The following DIP2C variants were observed in gnomAD, a reference collection of about 807,000 sequenced individuals.
The protein encoded by DIP2C is DIP2 acetate--CoA ligase C (putative), also known as disco-interacting protein 2 homolog C.
In DIP2C, 33 loss-of-function variants were observed where a neutral mutation model predicts 192.4. That is an observed-to-expected ratio of 0.17 (90% CI 0.13 to 0.23). The LOEUF is 0.23. Ranked by LOEUF, DIP2C falls within the 10% of genes least tolerant of loss-of-function variation. The pLI is 1.00. For missense variants in DIP2C, 1,537 were observed against 2,110.1 expected, an observed-to-expected ratio of 0.73 and a Z score of 5.32; for synonymous variants, 979 against 864.1, an observed-to-expected ratio of 1.13 and a Z score of -2.33.
At chr10:453,404 G>C (rs1969012980) in intron 3 of DIP2C, among the ~76,000 whole-genome samples, 1 of 152,222 alleles carries the variant, frequency 6.6e-6, no homozygotes, top group Non-Finnish European at 1.5e-5. Flanking sequence ...AGATTTGCTG[G>C]TCATGCTGGA....
intron 1 of DIP2C, among the ~76,000 whole-genome samples, chr10:661,187 C>T (rs993792035): frequency 1.3e-5 from 2 of 152,172 alleles, no homozygotes; most frequent in African/African-American, 4.8e-5. Flanking sequence ...TGGACCGCAC[C>T]GAGTGGATGA....
At chr10:665,075 T>C (rs1319355060) in intron 1 of DIP2C, 1 of 152,158 alleles carries the variant, frequency 6.6e-6, no homozygotes, top group Non-Finnish European at 1.5e-5. Flanking sequence ...GGAGTTGACC[T>C]TGAAATTTAA....
chr10:444,121 A>T (rs920054766), intron 3 of DIP2C, among the ~76,000 whole-genome samples: 4 of 151,862 alleles, frequency 2.6e-5, no homozygotes, highest in Non-Finnish European at 4.4e-5. Context: ...CCCCATCGTC[A>T]CATGGACTCC....
At chr10:501,578 T>C (rs1371896256) in intron 1 of DIP2C, among the ~76,000 whole-genome samples, 1 of 151,850 alleles carries the variant, frequency 6.6e-6, no homozygotes. Context: ...AGGCTTCATT[T>C]AAAATGAAAA....
At chr10:420,363 A>G (rs1966099471) in intron 5 of DIP2C, among the ~76,000 whole-genome samples, 1 of 152,212 alleles carries the variant, frequency 6.6e-6, no homozygotes, top group African/African-American at 2.4e-5. Context: ...GTCCGGTGTC[A>G]CAAGTAGATT....
chr10:310,122 A>G lies in DIP2C; in HGVS notation c.3925-30T>C, dbSNP rs757581603. 44 of 1,604,336 alleles carry G rather than the reference A, an allele frequency of 2.7e-5. 1 individual carries two copies. The highest frequency in any genetic ancestry group is 3.1e-5 in the Non-Finnish European group (36 of 1,171,490). ...AAGCAACAACAGAGTGGTTAACTCA[A>G]GTTTACATGGAGGGAGATTGGGGTC... is the stretch of plus-strand genomic sequence containing the variant. On this transcript the variant is annotated intron_variant, in intron 31 of 36. Transcript: ENST00000280886.
intron 10 of DIP2C, 63 bp downstream of exon 10, chr10:399,046 G>A: frequency 1.4e-6 from 2 of 1,413,040 alleles, no homozygotes; most frequent in Non-Finnish European, 2.0e-6. Context: ...ACCCAGCCGG[G>A]ATACAGCCAC....
Position 636,154 on chromosome 10 carries a change from G to A in DIP2C, c.85+53340C>T, listed in dbSNP as rs1047052881. On this transcript the variant is annotated intron_variant, in intron 1 of 36. Coordinates refer to ENST00000280886, the MANE Select transcript of DIP2C (RefSeq NM_014974.3). This position sits in a 1 kb window ranked among gnomAD's most constrained non-coding sequence, Gnocchi z 4.6. Reference sequence around the variant, plus strand: ...ACTTTATCACAAGGAAAACTAGGTGGTGAACCCAGGAGGAGGAAATCCCCA... The same window carrying A: ...ACTTTATCACAAGGAAAACTAGGTGATGAACCCAGGAGGAGGAAATCCCCA... 2.2e-4 allele frequency among the ~76,000 whole-genome samples: 33 copies of A among 152,306 alleles called. No homozygotes were observed. Among genetic ancestry groups the A allele is most frequent in the African/African-American group, 7.9e-4 (33 of 41,566 alleles).
rs1483069088 is a variant in DIP2C at position 274,237 on chromosome 10, A to T, written c.*3088T>A. ...ATATTTAGATATATTTAAAAGAATTAAAAAAAACATTTCACAAAACATTTG... is the reference window on the plus strand; with the variant it reads ...ATATTTAGATATATTTAAAAGAATTTAAAAAAACATTTCACAAAACATTTG... On this transcript the variant is annotated 3_prime_UTR_variant, in exon 37 of 37. Coordinates refer to ENST00000280886, the MANE Select transcript of DIP2C (RefSeq NM_014974.3). 4.0e-5 allele frequency: 6 copies of T among 149,646 alleles called. No homozygotes were observed. Among genetic ancestry groups the T allele is most frequent in the Non-Finnish European group, 6.0e-5 (4 of 66,532 alleles). The allele number at this position is 149,646 out of a possible 1,614,324, so 9.3% of individuals were successfully genotyped here. A position where few individuals can be genotyped will look rare whatever the true frequency, so the allele number is the denominator to read the frequency against.
At chr10:285,595 C>T (rs766840142) in intron 34 of DIP2C, among the ~76,000 whole-genome samples, 5 of 152,206 alleles carry the variant, frequency 3.3e-5, no homozygotes, top group Non-Finnish European at 5.9e-5. Flanking sequence ...GAGAATGCGG[C>T]GGAAGGAGGA....
rs59721670 is a variant in DIP2C, at chr10:565,354, T to TAAAAAAAAAAAAAAAAAAAAAAAA, written c.86-78825_86-78824insTTTTTTTTTTTTTTTTTTTTTTTT. On this transcript the variant is annotated intron_variant, in intron 1 of 36. Coordinates refer to ENST00000280886, the MANE Select transcript of DIP2C (RefSeq NM_014974.3). ...AAAATATGAAACAGTACCTGCATTC[T>TAAAAAAAAAAAAAAAAAAAAAAAA]AAAAAAAAAAAAAAAAAGACCTAGA... Among the ~76,000 whole-genome samples, 49 of 114,088 alleles carry TAAAAAAAAAAAAAAAAAAAAAAAA rather than the reference T, an allele frequency of 4.3e-4. 5 individuals carry two copies. Among genetic ancestry groups the TAAAAAAAAAAAAAAAAAAAAAAAA allele is most frequent in the African/African-American group, 1.8e-3 (47 of 26,664 alleles). The allele number at this position is 114,088 out of a possible 152,430, so 74.8% of individuals were successfully genotyped here.
chr10:524,323 G>A (rs79148455), intron 1 of DIP2C, among the ~76,000 whole-genome samples: 3,511 of 152,240 alleles, frequency 0.023, 145 homozygotes, highest in African/African-American at 0.079. Flanking sequence ...CAGGGTCCCT[G>A]CTCAGATGCA....
At chr10:563,729 A>G (rs1470909028) in intron 1 of DIP2C, among the ~76,000 whole-genome samples, 1 of 152,236 alleles carries the variant, frequency 6.6e-6, no homozygotes, top group African/African-American at 2.4e-5. Flanking sequence ...CGTCCAGAGG[A>G]AGAGAGACTT....
At chr10:357,370 T>C (rs1251864314) in intron 23 of DIP2C, among the ~76,000 whole-genome samples, 1 of 152,138 alleles carries the variant, frequency 6.6e-6, no homozygotes, top group Non-Finnish European at 1.5e-5. Context: ...TGCTGCAAGC[T>C]GCTGTGGGCA....
intron 19 of DIP2C, 143 bp downstream of exon 19, chr10:366,132 G>C: frequency 1.7e-6 from 2 of 1,191,620 alleles, no homozygotes; most frequent in Non-Finnish European, 2.3e-6. Flanking sequence ...ATAAAAAGTG[G>C]TAAAGTGCCA....
chr10:380,755 C>G (rs759473860), intron 17 of DIP2C, among the ~76,000 whole-genome samples: 1 of 152,210 alleles, frequency 6.6e-6, no homozygotes, highest in African/African-American at 2.4e-5. Flanking sequence ...ACAGGGAAGC[C>G]TTGCCAGACC....
chr10:600,212 T>C (rs1199502859), intron 1 of DIP2C, among the ~76,000 whole-genome samples: 3 of 152,144 alleles, frequency 2.0e-5, no homozygotes, highest in African/African-American at 7.2e-5. Flanking sequence ...ACCCCAAGCC[T>C]CTGCACTTCC....
chr10:568,204 T>C (rs961840726), intron 1 of DIP2C, among the ~76,000 whole-genome samples: 1 of 151,804 alleles, frequency 6.6e-6, no homozygotes, highest in African/African-American at 2.4e-5. Flanking sequence ...GCTCCAGGGG[T>C]AGCGAGTTCA....
At chr10:543,672 T>C (rs1032651806) in intron 1 of DIP2C, among the ~76,000 whole-genome samples, 3 of 152,228 alleles carry the variant, frequency 2.0e-5, no homozygotes, top group Admixed American at 6.5e-5. Context: ...ATGAGTTACA[T>C]AGTAACATGT....
Sources: allele counts gnomAD v4.1 joint callset (sites outside exome capture counted in the v4.1 genomes callset), GRCh38; gene constraint gnomAD v4.1.1; non-coding constraint Gnocchi (gnomAD v3.1); transcripts MANE v1.5; gene names NCBI Gene and HGNC (gene_info 2026-07-23, HGNC 2026-07-21).